Variants in GNB1 observed in about 807,000 individuals in gnomAD.
GNB1 encodes G protein subunit beta 1.
A neutral mutation model predicts 42.9 loss-of-function variants in GNB1; 2 were observed. The observed-to-expected ratio is 0.05, with a 90% CI of 0.02 to 0.15. The LOEUF (loss-of-function observed/expected upper bound fraction) is 0.15, where lower values mean the gene tolerates loss of function less well. Among genes scored for constraint, GNB1 ranks in the 10% least tolerant of loss-of-function variants. The pLI is 1.00. For missense variants in GNB1, 193 were observed against 462.2 expected, an observed-to-expected ratio of 0.42 and a Z score of 5.34; for synonymous variants, 183 against 174.7, an observed-to-expected ratio of 1.05 and a Z score of -0.38.
chr1:1,888,222 G>A (rs1422050393), intron 1 of GNB1, among the ~76,000 whole-genome samples: 1 of 152,202 alleles, frequency 6.6e-6, no homozygotes, highest in South Asian at 2.1e-4. Context: ...TTTCATGTTG[G>A]AACAGTTTCC....
At chr1:1,810,041 T>C (rs979972968) in intron 5 of GNB1, among the ~76,000 whole-genome samples, 9 of 150,044 alleles carry the variant, frequency 6.0e-5, no homozygotes. Context: ...GAAACCAACA[T>C]GGGCAACAAA....
chr1:1,854,258 A>G (rs1052301289), intron 1 of GNB1, among the ~76,000 whole-genome samples: 1 of 152,202 alleles, frequency 6.6e-6, no homozygotes, highest in African/African-American at 2.4e-5. Context: ...TGGTGTGGAG[A>G]AATCTGAGCG....
At chr1:1,831,156 C>T (rs937879558) in intron 2 of GNB1, among the ~76,000 whole-genome samples, 3 of 151,850 alleles carry the variant, frequency 2.0e-5, no homozygotes, top group African/African-American at 7.3e-5. Context: ...CAGAATGAGG[C>T]TCCATCTCAA....
intron 7 of GNB1, among the ~76,000 whole-genome samples, chr1:1,798,018 A>G (rs543995864): frequency 5.3e-5 from 8 of 152,380 alleles, no homozygotes; most frequent in African/African-American, 1.9e-4. Flanking sequence ...GGACAGGCTC[A>G]GCCTAGACCT....
In GNB1 at chr1:1,825,436, C is replaced by A. The variant is rs1646985467; in HGVS notation, c.18G>T (p.Gln6His). Residue 6 changes from glutamine (Q) to histidine (H), a missense_variant, in exon 3 of 12, where the codon CAG becomes CAT. Gln to His is a conservative substitution (Grantham distance 24, BLOSUM62 0). Transcript: ENST00000378609. MSELD[Q>H]LRQEAEQLKN... ...TAAGTTGCTCGGCCTCCTGCCGTAA[C>A]TGGTCAAGCTCACTCATCTTCCGAT... The A allele has an allele frequency of 6.2e-7, 1 of 1,612,544 alleles. No homozygotes were observed. Among genetic ancestry groups the A allele is most frequent in the Non-Finnish European group, 8.5e-7 (1 of 1,178,610 alleles).
intron 3 of GNB1, 62 bp downstream of exon 3, chr1:1,825,335 A>T (rs1431416414): frequency 8.5e-7 from 1 of 1,182,362 alleles, no homozygotes. Context: ...TTTTCCTAAA[A>T]CAAGTAACAT....
intron 1 of GNB1, among the ~76,000 whole-genome samples, chr1:1,849,400 A>T (rs1280055590): frequency 6.6e-6 from 1 of 152,018 alleles, no homozygotes; most frequent in East Asian, 1.9e-4. Context: ...AAACCCCACA[A>T]CTTTTGTCTG....
intron 1 of GNB1, among the ~76,000 whole-genome samples, chr1:1,867,910 T>C (rs1433369372): frequency 1.3e-5 from 2 of 152,210 alleles, no homozygotes; most frequent in Non-Finnish European, 2.9e-5. Flanking sequence ...TAAATTCCCA[T>C]TAATTTATAG....
intron 1 of GNB1, among the ~76,000 whole-genome samples, chr1:1,876,231 G>C (rs1343484665): frequency 6.6e-6 from 1 of 152,158 alleles, no homozygotes; most frequent in South Asian, 2.1e-4. Flanking sequence ...AACTAACATT[G>C]TGTCATTTCT....
intron 1 of GNB1, among the ~76,000 whole-genome samples, chr1:1,854,128 A>G (rs1021922120): frequency 3.9e-5 from 6 of 152,222 alleles, no homozygotes; most frequent in Non-Finnish European, 7.3e-5. Flanking sequence ...CGAACAGTGC[A>G]AGTCTTTATT....
intron 7 of GNB1, among the ~76,000 whole-genome samples, chr1:1,802,711 C>T (rs890731024): frequency 3.3e-5 from 5 of 150,324 alleles, no homozygotes; most frequent in African/African-American, 1.2e-4. Context: ...TTTCAGTGAG[C>T]TGAGATTGCA....
At chr1:1,830,922 G>C (rs769239486) in intron 2 of GNB1, among the ~76,000 whole-genome samples, 1 of 152,170 alleles carries the variant, frequency 6.6e-6, no homozygotes, top group Non-Finnish European at 1.5e-5. Flanking sequence ...CCAGCACTTT[G>C]AGAGGCTGAG....
intron 4 of GNB1, among the ~76,000 whole-genome samples, chr1:1,816,994 C>T (rs1421348341): frequency 6.6e-6 from 1 of 152,048 alleles, no homozygotes; most frequent in Non-Finnish European, 1.5e-5. Context: ...AGTTCAGTGG[C>T]ATTTAGTACA....
intron 4 of GNB1, among the ~76,000 whole-genome samples, chr1:1,816,094 A>C (rs529571677): frequency 6.6e-6 from 1 of 152,266 alleles, no homozygotes; most frequent in Admixed American, 6.5e-5. Flanking sequence ...CCTCCAATGC[A>C]CGCACACGAA....
At chr1:1,807,490 AAAAC>A (rs1557892259) in intron 5 of GNB1, among the ~76,000 whole-genome samples, 4 of 146,230 alleles carry the variant, frequency 2.7e-5, no homozygotes, top group East Asian at 2.0e-4. Context: ...AAAAAAAAAA[AAAAC>A]AAACAGAAAG....
chr1:1,816,029 C>T (rs533180770), intron 4 of GNB1, among the ~76,000 whole-genome samples, 167 bp from the exon 5 acceptor site: 11 of 152,292 alleles, frequency 7.2e-5, no homozygotes, highest in East Asian at 3.9e-4. Flanking sequence ...GAACCCCTTC[C>T]GTACCTCTTA....
At chr1:1,809,838 G>A (rs931249600) in intron 5 of GNB1, among the ~76,000 whole-genome samples, 7 of 152,222 alleles carry the variant, frequency 4.6e-5, no homozygotes, top group African/African-American at 1.4e-4. Context: ...TATCTGAGGT[G>A]CCACTCACCT....
intron 1 of GNB1, among the ~76,000 whole-genome samples, chr1:1,857,104 T>C (rs902472537): frequency 1.3e-5 from 2 of 152,182 alleles, no homozygotes; most frequent in African/African-American, 4.8e-5. Flanking sequence ...ACTACATCTT[T>C]TAGGAAATCA....
intron 1 of GNB1, among the ~76,000 whole-genome samples, chr1:1,840,483 G>A (rs1168277624): frequency 6.6e-6 from 1 of 152,200 alleles, no homozygotes; most frequent in Non-Finnish European, 1.5e-5. Context: ...AGCCGAGATC[G>A]TGCCGCTGCA....
Sources: gnomAD v4.1 joint callset for allele counts (sites outside exome capture counted in the v4.1 genomes callset) on GRCh38, gnomAD v4.1.1 for gene constraint, MANE v1.5 for transcripts, NCBI Gene and HGNC (gene_info 2026-07-23, HGNC 2026-07-21) for gene names.